Variants in TAFA1 observed in about 807,000 individuals in gnomAD.
The protein encoded by TAFA1 is TAFA chemokine like family member 1.
Under a neutral mutation model 18.5 loss-of-function variants are expected in TAFA1, and 4 were observed. The observed-to-expected ratio is 0.22, with a 90% CI of 0.11 to 0.49. The LOEUF is 0.49. TAFA1 is among the 20% of genes least tolerant of loss of function. TAFA1 has a pLI of 0.98. For synonymous variants in TAFA1, 56 were observed against 55.2 expected (o/e 1.01, Z -0.06); for missense variants, 147 against 169.0 (o/e 0.87, Z 0.72).
chr3:68,021,912 T>C (rs141446280), intron 2 of TAFA1, among the ~76,000 whole-genome samples: 1 of 152,288 alleles, frequency 6.6e-6, no homozygotes, highest in East Asian at 1.9e-4. Flanking sequence ...GCAAAAACCA[T>C]ATAGAAGCCT....
At chr3:68,401,608 T>G (rs1024632704) in intron 2 of TAFA1, among the ~76,000 whole-genome samples, 2 of 152,234 alleles carry the variant, frequency 1.3e-5, no homozygotes, top group Non-Finnish European at 2.9e-5. Flanking sequence ...CTTGCGTCTT[T>G]TCGTCAGTAA....
At chr3:68,370,160 C>A (rs1024026269) in intron 2 of TAFA1, among the ~76,000 whole-genome samples, 1 of 146,720 alleles carries the variant, frequency 6.8e-6, no homozygotes, top group African/African-American at 2.5e-5. Context: ...ATGTGGCAGG[C>A]GCCTGTAGTC....
intron 2 of TAFA1, among the ~76,000 whole-genome samples, chr3:68,364,434 C>CA (rs1013001079): frequency 6.6e-6 from 1 of 151,444 alleles, no homozygotes; most frequent in African/African-American, 2.4e-5. Context: ...TCCAAAATTC[C>CA]AAAAAAGAAG....
intron 2 of TAFA1, among the ~76,000 whole-genome samples, chr3:68,047,667 G>A (rs1342714085): frequency 1.3e-5 from 2 of 152,070 alleles, no homozygotes; most frequent in African/African-American, 2.4e-5. Flanking sequence ...GAAGGGGAGG[G>A]ATATATTGGC....
At chr3:68,370,851 C>G (rs1306080941) in intron 2 of TAFA1, among the ~76,000 whole-genome samples, 1 of 143,124 alleles carries the variant, frequency 7.0e-6, no homozygotes. Context: ...AGGGAATAAT[C>G]TATAATTTTA....
At chr3:68,142,426 G>T (rs2065678427) in intron 2 of TAFA1, among the ~76,000 whole-genome samples, 1 of 152,178 alleles carries the variant, frequency 6.6e-6, no homozygotes, top group South Asian at 2.1e-4. Context: ...AACCCCCTGT[G>T]CTTTAGTGTG....
Position 68,138,461 on chromosome 3 carries a change from C to T in TAFA1, c.118+131717C>T, listed in dbSNP as rs527754484. ...CAAAGATTCTGGGATTGTCTGTTACCACAGCACAGCTTCTTCTATCCTAAT... is the reference window on the plus strand; with the variant it reads ...CAAAGATTCTGGGATTGTCTGTTACTACAGCACAGCTTCTTCTATCCTAAT... On this transcript the variant is annotated intron_variant, in intron 2 of 4. Coordinates refer to ENST00000478136, the MANE Select transcript of TAFA1 (RefSeq NM_213609.4). 1.2e-4 allele frequency among the ~76,000 whole-genome samples: 18 copies of T among 152,288 alleles called. No individual in the cohort carries two copies. In the South Asian group the frequency reaches 2.1e-3, roughly 18 times the overall value.
chr3:68,453,115 C>T (rs113738963), intron 3 of TAFA1, among the ~76,000 whole-genome samples: 3 of 152,178 alleles, frequency 2.0e-5, no homozygotes, highest in East Asian at 1.9e-4. Context: ...GAGACATAAG[C>T]GCTTACTAAC....
chr3:68,150,093 AAATTATGGATG>A (rs1242850064), intron 2 of TAFA1, among the ~76,000 whole-genome samples: 2 of 152,208 alleles, frequency 1.3e-5, no homozygotes, highest in African/African-American at 4.8e-5. Flanking sequence ...GAAAATTGTC[AAATTATGGATG>A]AATTATGGAT....
At chr3:68,472,465 C>A (rs2072015689) in intron 3 of TAFA1, among the ~76,000 whole-genome samples, 1 of 151,880 alleles carries the variant, frequency 6.6e-6, no homozygotes, top group African/African-American at 2.4e-5. Context: ...GGTATACACA[C>A]AAGCCTTCTA....
chr3:68,048,034 G>C (rs1250055282), intron 2 of TAFA1, among the ~76,000 whole-genome samples: 1 of 152,094 alleles, frequency 6.6e-6, no homozygotes, highest in Non-Finnish European at 1.5e-5. Context: ...AATCAACCCA[G>C]AGCCTAGACA....
intron 3 of TAFA1, among the ~76,000 whole-genome samples, chr3:68,535,848 A>T (rs541811066): frequency 6.6e-6 from 1 of 152,018 alleles, no homozygotes; most frequent in African/African-American, 2.4e-5. Context: ...GATGGGGGAA[A>T]GTTTTTGTTA....
upstream of TAFA1, among the ~76,000 whole-genome samples, chr3:68,003,652 G>A (rs112294581): frequency 6.6e-6 from 1 of 152,162 alleles, no homozygotes; most frequent in African/African-American, 2.4e-5. Context: ...GGAAGAAGAT[G>A]TTGAACTTCT....
intron 2 of TAFA1, among the ~76,000 whole-genome samples, chr3:68,064,833 A>C (rs971031703): frequency 4.6e-5 from 7 of 152,010 alleles, no homozygotes; most frequent in Non-Finnish European, 7.4e-5. Context: ...GCAAAGATGC[A>C]AGCTCTAGGA....
chr3:68,128,132 T>C (rs933912748), intron 2 of TAFA1, among the ~76,000 whole-genome samples: 1 of 152,108 alleles, frequency 6.6e-6, no homozygotes, highest in Admixed American at 6.5e-5. Flanking sequence ...AAGAACAAGC[T>C]TATAGGGGTC....
intron 2 of TAFA1, among the ~76,000 whole-genome samples, chr3:68,070,409 G>A (rs1346102494): frequency 1.3e-5 from 2 of 152,222 alleles, no homozygotes; most frequent in East Asian, 3.9e-4. Flanking sequence ...GCACACAGCA[G>A]GGGGCCCCTT....
intron 2 of TAFA1, among the ~76,000 whole-genome samples, chr3:68,380,401 C>A (rs1575818822): frequency 1.3e-5 from 2 of 152,250 alleles, no homozygotes; most frequent in Admixed American, 6.5e-5. Context: ...AAAAGTGTTC[C>A]TATTTCTCCA....
intron 2 of TAFA1, among the ~76,000 whole-genome samples, chr3:68,197,293 G>A (rs2066421456): frequency 6.6e-6 from 1 of 151,712 alleles, no homozygotes. Flanking sequence ...TATTCCCTGA[G>A]TATATAATAT....
At position 68,487,270 on chromosome 3, in the gene TAFA1, T is replaced by C. The variant is rs187411838; in HGVS notation, c.260-51486T>C. ...ATTACAGTCAGAAACCAGCATCATC[T>C]TTTTTATAACACACTGTAAATTTCT... On this transcript the variant is annotated intron_variant, in intron 3 of 4. Coordinates refer to ENST00000478136, the MANE Select transcript of TAFA1 (RefSeq NM_213609.4). 1.3e-4 allele frequency among the ~76,000 whole-genome samples: 20 copies of C among 152,312 alleles called. No homozygotes were observed. The East Asian group carries it at 3.7e-3, about 28-fold the overall frequency.
Sources: gnomAD v4.1 joint callset for allele counts (sites outside exome capture counted in the v4.1 genomes callset) on GRCh38, gnomAD v4.1.1 for gene constraint, MANE v1.5 for transcripts, NCBI Gene and HGNC (gene_info 2026-07-23, HGNC 2026-07-21) for gene names.